The following MAF variants were observed in gnomAD, a reference collection of about 807,000 sequenced individuals.
MAF encodes transcription factor Maf.
A neutral mutation model predicts 22.0 loss-of-function variants in MAF; 10 were observed. The observed-to-expected ratio is 0.45, with a 90% confidence interval of 0.28 to 0.77. MAF has a LOEUF of 0.77. Ranked by LOEUF, MAF falls within the 30% of genes least tolerant of loss-of-function variation. The probability of loss-of-function intolerance (pLI) is 0.12; values close to 1 mark genes in which losing one functional copy is unlikely to be tolerated. For missense variants in MAF, 544 were observed against 548.4 expected (o/e 0.99, Z 0.08); for synonymous variants, 337 against 255.8 (o/e 1.32, Z -3.03).
chr16:79,300,247 G>A, the MAF span, among the ~76,000 whole-genome samples: 292 of 152,254 alleles, frequency 1.9e-3, no homozygotes, highest in Admixed American at 3.6e-3. Context: ...GTGTGTTAAT[G>A]ACTTAACTCT....
chr16:79,584,905 A>T (rs1912746076), downstream of MAF, among the ~76,000 whole-genome samples: 1 of 152,222 alleles, frequency 6.6e-6, no homozygotes, highest in South Asian at 2.1e-4. Flanking sequence ...GTGGGAAAAA[A>T]TGAGGCTATG....
the MAF span, among the ~76,000 whole-genome samples, chr16:79,228,709 C>T: frequency 6.6e-6 from 1 of 151,974 alleles, no homozygotes; most frequent in African/African-American, 2.4e-5. Context: ...GTTGAAAATT[C>T]AGATGTTTCT....
chr16:79,578,800 G>A, the MAF span, among the ~76,000 whole-genome samples: 1 of 151,946 alleles, frequency 6.6e-6, no homozygotes, highest in Non-Finnish European at 1.5e-5. Context: ...AATATTTCAG[G>A]CGACCAGCAG....
chr16:79,222,072 G>T, the MAF span, among the ~76,000 whole-genome samples: 1 of 152,066 alleles, frequency 6.6e-6, no homozygotes, highest in Admixed American at 6.6e-5. Context: ...ATGAAATAAC[G>T]TTGTGGGAGA....
the MAF span, chr16:79,204,247 T>G: frequency 6.6e-6 from 1 of 152,166 alleles, no homozygotes; most frequent in African/African-American, 2.4e-5. Context: ...TCCATGGATA[T>G]AAGACATCAT....
At chr16:79,580,568 G>T in the MAF span, among the ~76,000 whole-genome samples, 1 of 152,152 alleles carries the variant, frequency 6.6e-6, no homozygotes, top group Non-Finnish European at 1.5e-5. Flanking sequence ...GGCTTCGAAG[G>T]TCTGATGAGT....
chr16:79,531,868 AG>A, the MAF span, among the ~76,000 whole-genome samples: 2,386 of 152,114 alleles, frequency 0.016, 64 homozygotes, highest in African/African-American at 0.055. Context: ...ATTAGAAAAT[AG>A]GCATCAGTGA....
the MAF span, among the ~76,000 whole-genome samples, chr16:79,401,376 C>T: frequency 1.3e-5 from 2 of 152,180 alleles, no homozygotes; most frequent in Non-Finnish European, 2.9e-5. Flanking sequence ...AACGGTCATC[C>T]ACTGCCAACT....
At chr16:79,439,617 G>C in the MAF span, among the ~76,000 whole-genome samples, 4 of 152,150 alleles carry the variant, frequency 2.6e-5, no homozygotes, top group Non-Finnish European at 5.9e-5. Context: ...AAGGTTCCAA[G>C]GAATAGTATA....
the MAF span, among the ~76,000 whole-genome samples, chr16:79,377,670 G>A: frequency 6.6e-6 from 1 of 152,240 alleles, no homozygotes; most frequent in Admixed American, 6.5e-5. Context: ...GGTCTAACAT[G>A]TAAGTCTTTA....
the MAF span, among the ~76,000 whole-genome samples, chr16:79,459,397 C>T: frequency 9.2e-5 from 14 of 152,120 alleles, no homozygotes; most frequent in African/African-American, 3.4e-4. Context: ...AGCCCACATG[C>T]TCTGGGAGAG....
chr16:79,522,592 C>A, the MAF span, among the ~76,000 whole-genome samples: 1 of 152,180 alleles, frequency 6.6e-6, no homozygotes, highest in Non-Finnish European at 1.5e-5. Context: ...AGTTTACACT[C>A]AAGCCAGGGA....
chr16:79,358,867 G>A, the MAF span, among the ~76,000 whole-genome samples: 1 of 152,230 alleles, frequency 6.6e-6, no homozygotes, highest in African/African-American at 2.4e-5. Context: ...GGATGCTGCA[G>A]AGGCTGCTCC....
chr16:79,213,333 G>C, the MAF span, among the ~76,000 whole-genome samples: 1 of 152,198 alleles, frequency 6.6e-6, no homozygotes, highest in Non-Finnish European at 1.5e-5. Context: ...GTGGCCCATA[G>C]CCTTGCCACA....
downstream of MAF, among the ~76,000 whole-genome samples, chr16:79,584,584 G>C (rs1038567686): frequency 6.6e-6 from 1 of 152,080 alleles, no homozygotes; most frequent in South Asian, 2.1e-4. Context: ...AAAATGGATG[G>C]TTTCAATGTC....
the MAF span, among the ~76,000 whole-genome samples, chr16:79,313,779 C>T: frequency 6.6e-6 from 1 of 152,136 alleles, no homozygotes; most frequent in Non-Finnish European, 1.5e-5. Flanking sequence ...AGGATTTCAG[C>T]TCAGGTTTCC....
At chr16:79,526,955 T>C in the MAF span, among the ~76,000 whole-genome samples, 2 of 152,190 alleles carry the variant, frequency 1.3e-5, no homozygotes, top group Non-Finnish European at 2.9e-5. Context: ...GATTGTAAAG[T>C]TATATAATTT....
At chr16:79,439,596 A>G in the MAF span, among the ~76,000 whole-genome samples, 14 of 152,258 alleles carry the variant, frequency 9.2e-5, no homozygotes, top group African/African-American at 3.4e-4. Flanking sequence ...CTTGCTCTGG[A>G]TAAGAAAACA....
the MAF span, among the ~76,000 whole-genome samples, chr16:79,219,548 CAAAAAAAAAAAAAAAA>C: frequency 0.043 from 2,798 of 64,774 alleles, 69 homozygotes; most frequent in Middle Eastern, 0.16. Context: ...GACTCTGCCT[CAAAAAAAAAAAAAAAA>C]AAAAAAAAAA....
Sources: gnomAD v4.1 joint callset for allele counts (sites outside exome capture counted in the v4.1 genomes callset) on GRCh38, gnomAD v4.1.1 for gene constraint, MANE v1.5 for transcripts, NCBI Gene and HGNC (gene_info 2026-07-23, HGNC 2026-07-21) for gene names.